The following OCA2 variants were observed in gnomAD, a reference collection of about 807,000 sequenced individuals.
OCA2 encodes P protein.
OCA2 carries 77 observed loss-of-function variants against 100.2 expected under a neutral mutation model. That is an observed-to-expected ratio of 0.77 (90% confidence interval 0.64 to 0.93). OCA2 has a LOEUF of 0.93. Among genes scored for constraint, OCA2 ranks in the 40% least tolerant of loss-of-function variants. The probability of loss-of-function intolerance (pLI) is 0.00; values close to 1 mark genes in which losing one functional copy is unlikely to be tolerated. For missense variants in OCA2, 1,062 were observed against 1,089.1 expected (o/e 0.98, Z 0.35); for synonymous variants, 432 against 439.2 (o/e 0.98, Z 0.21).
chr15:27,930,367 T>C (rs547343285), intron 18 of OCA2, among the ~76,000 whole-genome samples: 1 of 152,156 alleles, frequency 6.6e-6, no homozygotes, highest in Non-Finnish European at 1.5e-5. Flanking sequence ...ATAATAATTA[T>C]GCTGAATGAA....
intron 19 of OCA2, among the ~76,000 whole-genome samples, chr15:27,897,938 G>A (rs1447941442): frequency 1.3e-5 from 2 of 152,212 alleles, no homozygotes; most frequent in African/African-American, 4.8e-5. Flanking sequence ...GGTGTCAAAG[G>A]AGGTCATTTT....
At chr15:27,938,950 C>A (rs372440993) in intron 18 of OCA2, among the ~76,000 whole-genome samples, 1 of 152,140 alleles carries the variant, frequency 6.6e-6, no homozygotes, top group African/African-American at 2.4e-5. Context: ...GGACCTGTGA[C>A]GGCTATGCTA....
chr15:27,722,692 CTCTT>C, the OCA2 span, among the ~76,000 whole-genome samples: 30 of 139,368 alleles, frequency 2.2e-4, no homozygotes, highest in Admixed American at 1.7e-3. Flanking sequence ...TTCTTTCTCT[CTCTT>C]TCTCTTCCTT....
At chr15:28,069,446 TCTCCCTC>T (rs1472496648) in intron 2 of OCA2, among the ~76,000 whole-genome samples, 5 of 87,612 alleles carry the variant, frequency 5.7e-5, no homozygotes, top group Non-Finnish European at 6.1e-5. Context: ...CTCTCCCCGG[TCTCCCTC>T]TCATGCGGGG....
rs568539351 is a variant in OCA2 at position 28,094,920 on chromosome 15, G to A, written c.-22+4304C>T. ...CGACAGAGGCCAGGGCGCGGCGCCG[G>A]GCGTGGTCCTGACACCTGCCCTGCC... On this transcript the variant is annotated intron_variant, in intron 1 of 23. Coordinates refer to ENST00000354638, the MANE Select transcript of OCA2 (RefSeq NM_000275.3). 4.6e-5 allele frequency among the ~76,000 whole-genome samples: 7 copies of A among 152,360 alleles called. No homozygotes were observed. In the South Asian group the frequency reaches 6.2e-4, roughly 14 times the overall value.
intron 2 of OCA2, among the ~76,000 whole-genome samples, chr15:28,040,513 C>G (rs1238619557): frequency 6.6e-6 from 1 of 151,940 alleles, no homozygotes; most frequent in Non-Finnish European, 1.5e-5. Context: ...GAGAGGAGAT[C>G]TGTAGTGAAT....
At chr15:27,742,055 G>A in the OCA2 span, among the ~76,000 whole-genome samples, 1 of 152,314 alleles carries the variant, frequency 6.6e-6, no homozygotes, top group Admixed American at 6.5e-5. Flanking sequence ...CATTGCAGAC[G>A]TATCTGAACT....
intron 9 of OCA2, among the ~76,000 whole-genome samples, chr15:27,994,367 A>G (rs995636399): frequency 2.0e-5 from 3 of 152,226 alleles, no homozygotes; most frequent in Non-Finnish European, 2.9e-5. Flanking sequence ...CTTCCATGAA[A>G]CTAGTCCCTG....
intron 11 of OCA2, among the ~76,000 whole-genome samples, chr15:27,987,686 G>A (rs1027729039): frequency 3.3e-5 from 5 of 151,906 alleles, no homozygotes; most frequent in Non-Finnish European, 7.4e-5. Flanking sequence ...CCAAGATCAC[G>A]CCACTGCACT....
At chr15:27,792,125 C>G (rs2033111928) in intron 23 of OCA2, among the ~76,000 whole-genome samples, 1 of 152,208 alleles carries the variant, frequency 6.6e-6, no homozygotes, top group African/African-American at 2.4e-5. Flanking sequence ...CAGAGCCAGA[C>G]ACCAATACCC....
At chr15:27,864,179 T>C (rs1360607605) in intron 21 of OCA2, among the ~76,000 whole-genome samples, 1 of 152,010 alleles carries the variant, frequency 6.6e-6, no homozygotes, top group Non-Finnish European at 1.5e-5. Flanking sequence ...ACCAAGCAAA[T>C]GGGGGAAAAT....
rs993601524 is a variant in OCA2 at position 28,088,638 on chromosome 15, C to T, written c.-21-6743G>A. Among the ~76,000 whole-genome samples, 7 of 152,186 alleles carry T rather than the reference C, an allele frequency of 4.6e-5. No individual in the cohort carries two copies. The South Asian group carries it at 1.0e-3, about 23-fold the overall frequency. ...GGCATCCAGGGGAGACATCACATGT[C>T]GGTAGGTTCCGTGATGCCCCCTGAG... On this transcript the variant is annotated intron_variant, in intron 1 of 23. Coordinates refer to ENST00000354638, the MANE Select transcript of OCA2 (RefSeq NM_000275.3).
intron 2 of OCA2, among the ~76,000 whole-genome samples, chr15:28,059,910 T>A (rs982842500): frequency 6.6e-6 from 1 of 152,252 alleles, no homozygotes; most frequent in Non-Finnish European, 1.5e-5. Flanking sequence ...TCTCTCTTTA[T>A]GTACACATTC....
chr15:27,766,664 G>A (rs1485706277), intron 23 of OCA2, among the ~76,000 whole-genome samples: 1 of 152,098 alleles, frequency 6.6e-6, no homozygotes, highest in Non-Finnish European at 1.5e-5. Context: ...CCTACCTTTG[G>A]CTAGGTCCTC....
At chr15:27,978,965 G>A (rs2140933655) in intron 14 of OCA2, among the ~76,000 whole-genome samples, 1 of 152,266 alleles carries the variant, frequency 6.6e-6, no homozygotes, top group Middle Eastern at 3.4e-3. Context: ...GGGATTACAG[G>A]CATGAGCCAC....
At chr15:27,870,832 G>GAA (rs2036536682) in intron 21 of OCA2, among the ~76,000 whole-genome samples, 2 of 151,812 alleles carry the variant, frequency 1.3e-5, no homozygotes, top group South Asian at 2.1e-4. Flanking sequence ...AAGAAAGAAA[G>GAA]AGAAAGAAAG....
chr15:28,053,146 T>C (rs2043569095), intron 2 of OCA2, among the ~76,000 whole-genome samples: 1 of 152,192 alleles, frequency 6.6e-6, no homozygotes, highest in South Asian at 2.1e-4. Context: ...TATACTGATA[T>C]CAGAAAATCA....
At chr15:27,964,530 G>C (rs1370072064) in intron 15 of OCA2, among the ~76,000 whole-genome samples, 4 of 152,294 alleles carry the variant, frequency 2.6e-5, no homozygotes, top group African/African-American at 9.6e-5. Flanking sequence ...TGCCTTCAAG[G>C]CTAGCCGCTC....
chr15:27,845,996 C>T (rs1198899635), intron 22 of OCA2, among the ~76,000 whole-genome samples: 2 of 152,122 alleles, frequency 1.3e-5, no homozygotes, highest in Non-Finnish European at 2.9e-5. Context: ...GCAGTGTGCC[C>T]AGGTGTCAGG....
Sources: gnomAD v4.1 joint callset for allele counts (sites outside exome capture counted in the v4.1 genomes callset) on GRCh38, gnomAD v4.1.1 for gene constraint, MANE v1.5 for transcripts, NCBI Gene and HGNC (gene_info 2026-07-23, HGNC 2026-07-21) for gene names.